The following FBXL17 variants were observed in gnomAD, a reference collection of about 807,000 sequenced individuals.
FBXL17 encodes the protein F-box/LRR-repeat protein 17.
A neutral mutation model predicts 66.2 loss-of-function variants in FBXL17; 22 were observed. The ratio of observed to expected loss-of-function variants is 0.33; its 90% CI spans 0.24 to 0.47. FBXL17 has a LOEUF of 0.47. Ranked by LOEUF, FBXL17 falls within the 20% of genes least tolerant of loss-of-function variation. The pLI is 1.00. For missense variants in FBXL17, 878 were observed against 948.2 expected (o/e 0.93, Z 0.97); for synonymous variants, 474 against 400.5 (o/e 1.18, Z -2.19).
At chr5:107,943,536 T>C (rs1426481532) in intron 7 of FBXL17, among the ~76,000 whole-genome samples, 1 of 136,272 alleles carries the variant, frequency 7.3e-6, no homozygotes, top group Non-Finnish European at 1.5e-5. Flanking sequence ...AGTCTTTGTT[T>C]AGAACCTCAT....
chr5:108,287,383 T>C (rs1412620452), intron 4 of FBXL17, among the ~76,000 whole-genome samples: 2 of 152,084 alleles, frequency 1.3e-5, no homozygotes, highest in Non-Finnish European at 2.9e-5. Context: ...AAAGGTCTAA[T>C]ATCCAGAATC....
chr5:108,308,652 T>C (rs765904771), intron 4 of FBXL17, among the ~76,000 whole-genome samples: 1 of 152,314 alleles, frequency 6.6e-6, no homozygotes, highest in Middle Eastern at 3.4e-3. Flanking sequence ...GAATGAGCAC[T>C]GTGACACATC....
chr5:108,335,934 A>T (rs1760361215), intron 4 of FBXL17, among the ~76,000 whole-genome samples: 1 of 152,158 alleles, frequency 6.6e-6, no homozygotes, highest in Non-Finnish European at 1.5e-5. Context: ...AACACAATTT[A>T]ATCCAAGGAT....
intron 4 of FBXL17, among the ~76,000 whole-genome samples, chr5:108,267,202 A>T (rs990954712): frequency 6.6e-6 from 1 of 152,078 alleles, no homozygotes; most frequent in Non-Finnish European, 1.5e-5. Context: ...ATAAAGAACC[A>T]GTTTCCCTAA....
intron 6 of FBXL17, among the ~76,000 whole-genome samples, chr5:108,113,993 A>G (rs1285923719): frequency 6.6e-6 from 1 of 152,204 alleles, no homozygotes; most frequent in Non-Finnish European, 1.5e-5. Flanking sequence ...GAACAAATGT[A>G]TAATTATTAA....
At chr5:108,237,997 A>T (rs1755682264) in intron 4 of FBXL17, among the ~76,000 whole-genome samples, 1 of 152,240 alleles carries the variant, frequency 6.6e-6, no homozygotes, top group African/African-American at 2.4e-5. Flanking sequence ...TTCAAAATCC[A>T]TGTGAAAATT....
intron 6 of FBXL17, among the ~76,000 whole-genome samples, chr5:108,106,512 T>C (rs954518246): frequency 3.9e-5 from 6 of 152,166 alleles, no homozygotes; most frequent in African/African-American, 1.4e-4. Flanking sequence ...GTCTATCAAC[T>C]AATGAACAGA....
chr5:108,349,293 A>T (rs1747492486), intron 3 of FBXL17, among the ~76,000 whole-genome samples: 1 of 152,218 alleles, frequency 6.6e-6, no homozygotes, highest in African/African-American at 2.4e-5. Context: ...ATACATGTGT[A>T]TTTGTGCACA....
intron 5 of FBXL17, among the ~76,000 whole-genome samples, chr5:108,210,887 ATCTG>A (rs1164822261): frequency 1.3e-5 from 2 of 152,100 alleles, no homozygotes; most frequent in African/African-American, 4.8e-5. Context: ...TGTCTCATTG[ATCTG>A]TCTAATATTG....
intron 7 of FBXL17, among the ~76,000 whole-genome samples, chr5:107,945,416 G>A (rs1224185616): frequency 6.6e-6 from 1 of 151,972 alleles, no homozygotes; most frequent in Non-Finnish European, 1.5e-5. Context: ...AGATACACAA[G>A]GATATTCATT....
At position 108,373,214 on chromosome 5, in the gene FBXL17, ATAT is replaced by A. The variant is rs1240608390; in HGVS notation, c.994-5264_994-5262del. 4.4e-4 allele frequency among the ~76,000 whole-genome samples: 43 copies of A among 97,212 alleles called. 1 individual carries two copies. Among genetic ancestry groups the A allele is most frequent in the Admixed American group, 8.0e-4 (8 of 9,992 alleles). The allele number at this position is 97,212 out of a possible 152,430, so 63.8% of individuals were successfully genotyped here. A position where few individuals can be genotyped will look rare whatever the true frequency, so the allele number is the denominator to read the frequency against. On this transcript the variant is annotated intron_variant, in intron 1 of 8. Transcript: ENST00000542267. ...TTACATAAATATAACATATCTAAATATATTATATTAATATAAATATAATATATA... is the reference window on the plus strand; with the variant it reads ...TTACATAAATATAACATATCTAAATATATATTAATATAAATATAATATATA...
At position 108,306,134 on chromosome 5, in the gene FBXL17, T is replaced by C. The variant is rs558119621; in HGVS notation, c.1506+42265A>G. 2.6e-5 allele frequency among the ~76,000 whole-genome samples: 4 copies of C among 152,212 alleles called. No individual in the cohort carries two copies. The South Asian group carries it at 6.2e-4, about 24-fold the overall frequency. ...ATATTTTTAGGAGATCTTTTTTACT[T>C]TGGCAGTAAATTTTATACATTTTCT... is the stretch of plus-strand genomic sequence containing the variant. On this transcript the variant is annotated intron_variant, in intron 4 of 8. Transcript: ENST00000542267.
chr5:108,243,333 G>C (rs528877573), intron 4 of FBXL17, among the ~76,000 whole-genome samples: 2 of 152,270 alleles, frequency 1.3e-5, no homozygotes, highest in Admixed American at 1.3e-4. Context: ...TAATCCAAAT[G>C]AAACAGCTTA....
intron 6 of FBXL17, among the ~76,000 whole-genome samples, chr5:108,099,975 G>A (rs544878441): frequency 6.6e-5 from 10 of 152,200 alleles, no homozygotes; most frequent in African/African-American, 2.2e-4. Context: ...TTACTGCTAT[G>A]TATTCCAATA....
At chr5:108,354,258 A>G (rs970825430) in intron 3 of FBXL17, among the ~76,000 whole-genome samples, 1 of 152,172 alleles carries the variant, frequency 6.6e-6, no homozygotes, top group Non-Finnish European at 1.5e-5. Flanking sequence ...TACAGCAGGA[A>G]TGTTGGAATT....
intron 4 of FBXL17, among the ~76,000 whole-genome samples, chr5:108,278,824 T>C (rs757511021): frequency 2.6e-5 from 4 of 152,186 alleles, no homozygotes; most frequent in Admixed American, 6.5e-5. Context: ...TCACAGCTGG[T>C]GCATGCACTT....
chr5:108,213,847 G>A (rs1195116592), intron 5 of FBXL17, among the ~76,000 whole-genome samples: 1 of 152,114 alleles, frequency 6.6e-6, no homozygotes, highest in Non-Finnish European at 1.5e-5. Flanking sequence ...TAATGCTACT[G>A]AACATCTTTT....
chr5:108,177,688 G>A (rs193050766), intron 6 of FBXL17, among the ~76,000 whole-genome samples: 65 of 151,860 alleles, frequency 4.3e-4, no homozygotes, highest in African/African-American at 1.5e-3. Context: ...GAACTCTGAA[G>A]ACCACAAAAA....
chr5:108,142,704 T>TA (rs1182967900), intron 6 of FBXL17, among the ~76,000 whole-genome samples: 5 of 152,024 alleles, frequency 3.3e-5, no homozygotes, highest in Non-Finnish European at 7.4e-5. Context: ...TTTTAAACTG[T>TA]AAAAAAGTCC....
Sources: gnomAD v4.1 joint callset for allele counts (sites outside exome capture counted in the v4.1 genomes callset) on GRCh38, gnomAD v4.1.1 for gene constraint, MANE v1.5 for transcripts, NCBI Gene and HGNC (gene_info 2026-07-23, HGNC 2026-07-21) for gene names.